The following PIK3R3 variants were observed in gnomAD, a reference collection of about 807,000 sequenced individuals.
The protein encoded by PIK3R3 is phosphatidylinositol 3-kinase regulatory subunit gamma.
PIK3R3 carries 64 observed loss-of-function variants against 62.9 expected under a neutral mutation model. That is an observed-to-expected ratio of 1.02 (90% CI 0.83 to 1.25). PIK3R3 has a LOEUF of 1.25. Ranked by LOEUF, PIK3R3 falls within the 50% of genes most tolerant of loss-of-function variation. The probability of loss-of-function intolerance (pLI) is 0.00; values close to 1 mark genes in which losing one functional copy is unlikely to be tolerated. For synonymous variants in PIK3R3, 165 were observed against 189.0 expected (o/e 0.87, Z 1.04); for missense variants, 614 against 561.6 (o/e 1.09, Z -0.94).
intron 1 of PIK3R3, among the ~76,000 whole-genome samples, chr1:46,089,237 C>G (rs1651375562): frequency 6.6e-6 from 1 of 152,046 alleles, no homozygotes; most frequent in Admixed American, 6.6e-5. Flanking sequence ...GAATGCAGTA[C>G]TAGGATGACA....
the PIK3R3 span, among the ~76,000 whole-genome samples, chr1:46,144,864 G>C: frequency 9.5e-3 from 1,446 of 151,984 alleles, 79 homozygotes; most frequent in East Asian, 0.16. Context: ...GCGGCTCATG[G>C]CTGTAATCCC....
chr1:46,171,686 C>A, the PIK3R3 span, among the ~76,000 whole-genome samples: 9 of 152,064 alleles, frequency 5.9e-5, no homozygotes. Flanking sequence ...GTGCCTGAGT[C>A]AGACTCCCAG....
chr1:46,101,221 C>T (rs1379412704), intron 1 of PIK3R3, among the ~76,000 whole-genome samples: 2 of 148,068 alleles, frequency 1.4e-5, no homozygotes, highest in Non-Finnish European at 3.0e-5. Flanking sequence ...GTGCGCTGGG[C>T]GTGGTGGCTC....
chr1:46,069,715 T>C (rs1291780856), intron 3 of PIK3R3, among the ~76,000 whole-genome samples: 4 of 152,070 alleles, frequency 2.6e-5, no homozygotes, highest in African/African-American at 7.2e-5. Context: ...ATGGTGAGCA[T>C]AGCTGGACAG....
At chr1:46,111,022 G>A (rs1264094615) in intron 1 of PIK3R3, among the ~76,000 whole-genome samples, 5 of 152,070 alleles carry the variant, frequency 3.3e-5, no homozygotes, top group Non-Finnish European at 1.5e-5. Flanking sequence ...GTAGCCTCTA[G>A]CAAGTAAGAT....
intron 3 of PIK3R3, among the ~76,000 whole-genome samples, chr1:46,075,272 G>C (rs189902498): frequency 1.3e-5 from 2 of 152,154 alleles, no homozygotes; most frequent in Non-Finnish European, 2.9e-5. Context: ...CAAATTAAGA[G>C]AGCCAATTCC....
At chr1:46,068,642 A>G (rs1454473307) in intron 3 of PIK3R3, among the ~76,000 whole-genome samples, 4 of 152,344 alleles carry the variant, frequency 2.6e-5, no homozygotes, top group African/African-American at 9.6e-5. Flanking sequence ...TGAGGGAGCT[A>G]GTACAGCAGA....
At chr1:46,121,634 A>G (rs1001331592) in intron 1 of PIK3R3, among the ~76,000 whole-genome samples, 1 of 152,040 alleles carries the variant, frequency 6.6e-6, no homozygotes, top group African/African-American at 2.4e-5. Context: ...ACCTCTATTT[A>G]AAAAATAATA....
intron 1 of PIK3R3, among the ~76,000 whole-genome samples, chr1:46,083,563 C>T (rs2149418031): frequency 6.6e-6 from 1 of 152,216 alleles, no homozygotes; most frequent in Non-Finnish European, 1.5e-5. Flanking sequence ...TATCTAAATA[C>T]ATAAAAGAAT....
At chr1:46,113,172 C>T (rs1480650284) in intron 1 of PIK3R3, among the ~76,000 whole-genome samples, 1 of 152,078 alleles carries the variant, frequency 6.6e-6, no homozygotes, top group East Asian at 1.9e-4. Flanking sequence ...TACTTAAAAC[C>T]AATCAGTGGC....
At chr1:46,135,384 G>T (rs1655892336), upstream of PIK3R3, among the ~76,000 whole-genome samples, 1 of 151,934 alleles carries the variant, frequency 6.6e-6, no homozygotes, top group African/African-American at 2.4e-5. Flanking sequence ...CATGAAATCT[G>T]CTTTCATTTA....
rs764434498 is a variant in PIK3R3 at position 46,043,713 on chromosome 1, G to A, written c.1346C>T (p.Ala449Val). The A allele has an allele frequency of 1.2e-6, 2 of 1,614,224 alleles. No homozygotes were observed. The highest frequency in any genetic ancestry group is 2.2e-5 in the East Asian group (1 of 44,892). Reference protein sequence around the residue: ...QHNDSLNVRLAYPVHAQMPSL... With the variant: ...QHNDSLNVRLVYPVHAQMPSL... Reference sequence around the variant, plus strand: ...GGGCATCTGTGCATGAACAGGGTAGGCAAGCCTGACGTTGAGGGAGTCGTT... The same window carrying A: ...GGGCATCTGTGCATGAACAGGGTAGACAAGCCTGACGTTGAGGGAGTCGTT... Residue 449 changes from alanine to valine, a missense_variant, in exon 10 of 10, where the codon GCC (alanine) becomes GTC (valine). Ala to Val is a moderately conservative substitution (Grantham distance 64). Coordinates refer to ENST00000262741, the MANE Select transcript of PIK3R3 (RefSeq NM_003629.4).
chr1:46,109,072 T>C (rs953240824), intron 1 of PIK3R3, among the ~76,000 whole-genome samples: 4 of 149,608 alleles, frequency 2.7e-5, no homozygotes, highest in African/African-American at 9.9e-5. Context: ...GGCAGGAGAA[T>C]GGCATGAACC....
At chr1:46,077,212 T>C (rs755669636) in intron 3 of PIK3R3, among the ~76,000 whole-genome samples, 2 of 152,218 alleles carry the variant, frequency 1.3e-5, no homozygotes, top group Admixed American at 6.5e-5. Context: ...TTTTTACCCT[T>C]AGAATATGCC....
chr1:46,121,848 T>C (rs1654707255), intron 1 of PIK3R3, among the ~76,000 whole-genome samples: 1 of 152,060 alleles, frequency 6.6e-6, no homozygotes, highest in Admixed American at 6.6e-5. Flanking sequence ...CAATACCAAC[T>C]CATAGGGCAG....
the PIK3R3 span, among the ~76,000 whole-genome samples, chr1:46,152,764 C>T: frequency 2.6e-5 from 4 of 151,984 alleles, no homozygotes; most frequent in African/African-American, 9.7e-5. Context: ...GGGGTTTCAC[C>T]GTGTTAGTCA....
intron 7 of PIK3R3, among the ~76,000 whole-genome samples, chr1:46,052,259 T>C (rs1444942712): frequency 6.6e-6 from 1 of 152,164 alleles, no homozygotes; most frequent in East Asian, 1.9e-4. Flanking sequence ...TATTCACCTA[T>C]CTAGACTGTG....
chr1:46,107,687 C>T (rs938912544), intron 1 of PIK3R3, among the ~76,000 whole-genome samples: 1 of 152,174 alleles, frequency 6.6e-6, no homozygotes, highest in Admixed American at 6.5e-5. Flanking sequence ...AGTCTTTCTT[C>T]GACTCTAGCC....
chr1:46,096,841 A>T (rs1468681778), intron 1 of PIK3R3, among the ~76,000 whole-genome samples: 4 of 115,124 alleles, frequency 3.5e-5, no homozygotes, highest in East Asian at 3.0e-4. Flanking sequence ...ACTCTGTCTT[A>T]AAAAAAAAAA....
Sources: gnomAD v4.1 joint callset for allele counts (sites outside exome capture counted in the v4.1 genomes callset) on GRCh38, gnomAD v4.1.1 for gene constraint, MANE v1.5 for transcripts, NCBI Gene and HGNC (gene_info 2026-07-23, HGNC 2026-07-21) for gene names.